Variants in COL5A2 observed in about 807,000 individuals in gnomAD.
COL5A2 encodes collagen alpha-2(V) chain.
Under a neutral mutation model 208.2 loss-of-function variants are expected in COL5A2, and 23 were observed. The observed-to-expected ratio is 0.11, with a 90% CI of 0.08 to 0.16. COL5A2 has a LOEUF of 0.16. Ranked by LOEUF, COL5A2 falls within the 10% of genes least tolerant of loss-of-function variation. The pLI is 1.00. For missense variants in COL5A2, 1,590 were observed against 1,956.4 expected, an observed-to-expected ratio of 0.81 and a Z score of 3.53; for synonymous variants, 625 against 628.5, an observed-to-expected ratio of 0.99 and a Z score of 0.08.
chr2:189,078,222 C>T (rs1340859364), intron 16 of COL5A2, among the ~76,000 whole-genome samples: 1 of 152,042 alleles, frequency 6.6e-6, no homozygotes, highest in Non-Finnish European at 1.5e-5. Context: ...TTTCTATGGA[C>T]TATATTCCAT....
intron 1 of COL5A2, among the ~76,000 whole-genome samples, chr2:189,135,741 AT>A (rs1486691595): frequency 6.6e-6 from 1 of 152,228 alleles, no homozygotes; most frequent in Non-Finnish European, 1.5e-5. Context: ...AGTAGCTATA[AT>A]AGTGGTAATA....
At chr2:189,146,320 T>C (rs1688039501) in intron 1 of COL5A2, among the ~76,000 whole-genome samples, 1 of 152,064 alleles carries the variant, frequency 6.6e-6, no homozygotes, top group Non-Finnish European at 1.5e-5. Flanking sequence ...TTAAGCAAAA[T>C]TATCTAAATA....
chr2:189,318,989 T>C, the COL5A2 span, among the ~76,000 whole-genome samples: 5 of 151,764 alleles, frequency 3.3e-5, no homozygotes, highest in Non-Finnish European at 5.9e-5. Context: ...CCAGGATATG[T>C]GGTACTGTGC....
the COL5A2 span, among the ~76,000 whole-genome samples, chr2:189,347,625 A>G: frequency 6.6e-6 from 1 of 152,142 alleles, no homozygotes; most frequent in African/African-American, 2.4e-5. Flanking sequence ...AGATAGACCA[A>G]TAGTGACATC....
the COL5A2 span, among the ~76,000 whole-genome samples, chr2:189,252,392 GA>G: frequency 6.6e-6 from 1 of 152,190 alleles, no homozygotes; most frequent in Non-Finnish European, 1.5e-5. Flanking sequence ...ACTGGATTAA[GA>G]AAATGTGGCA....
intron 52 of COL5A2, among the ~76,000 whole-genome samples, chr2:189,035,540 G>A (rs1158127549): frequency 2.0e-5 from 3 of 151,738 alleles, no homozygotes; most frequent in Non-Finnish European, 4.4e-5. Flanking sequence ...CACAATTGTA[G>A]GAAATACATA....
At chr2:189,361,713 T>C in the COL5A2 span, among the ~76,000 whole-genome samples, 1 of 152,108 alleles carries the variant, frequency 6.6e-6, no homozygotes, top group African/African-American at 2.4e-5. Flanking sequence ...GCCATATTCC[T>C]TTGTGCTTAA....
intron 14 of COL5A2, among the ~76,000 whole-genome samples, chr2:189,079,768 A>C (rs753521686): frequency 2.0e-5 from 3 of 152,200 alleles, no homozygotes; most frequent in Admixed American, 2.0e-4. Flanking sequence ...GCAGACACCC[A>C]GTGCTATGGA....
intron 1 of COL5A2, among the ~76,000 whole-genome samples, chr2:189,178,314 T>C (rs1238478228): frequency 6.6e-6 from 1 of 152,094 alleles, no homozygotes; most frequent in Non-Finnish European, 1.5e-5. Flanking sequence ...CTAGATTAAT[T>C]TTATAAACTT....
intron 29 of COL5A2, 60 bp downstream of exon 29, chr2:189,062,805 G>GA: frequency 5.0e-6 from 8 of 1,598,370 alleles, no homozygotes; most frequent in Non-Finnish European, 6.0e-6. Context: ...AAACATCATC[G>GA]AAAAAATGCA....
chr2:189,353,617 T>C, the COL5A2 span, among the ~76,000 whole-genome samples: 1 of 152,204 alleles, frequency 6.6e-6, no homozygotes, highest in Non-Finnish European at 1.5e-5. Flanking sequence ...ATAGGAATGC[T>C]TGTGATTTCT....
the COL5A2 span, among the ~76,000 whole-genome samples, chr2:189,322,555 G>T: frequency 1.3e-5 from 2 of 151,766 alleles, no homozygotes; most frequent in African/African-American, 4.8e-5. Flanking sequence ...ACACCTCTAC[G>T]CAAATAAACT....
chr2:189,242,026 C>A, the COL5A2 span, among the ~76,000 whole-genome samples: 2 of 152,152 alleles, frequency 1.3e-5, no homozygotes, highest in African/African-American at 4.8e-5. Flanking sequence ...CATGCTTGAG[C>A]CCTTTCACAC....
chr2:189,120,366 A>G (rs1687476423), intron 1 of COL5A2, among the ~76,000 whole-genome samples: 1 of 152,166 alleles, frequency 6.6e-6, no homozygotes, highest in Non-Finnish European at 1.5e-5. Flanking sequence ...GGCCTTTTGA[A>G]TTATTGGTCC....
the COL5A2 span, among the ~76,000 whole-genome samples, chr2:189,233,951 T>C: frequency 6.6e-6 from 1 of 151,758 alleles, no homozygotes; most frequent in Non-Finnish European, 1.5e-5. Context: ...GCATTTGCTC[T>C]TTCAGTCATC....
intron 16 of COL5A2, among the ~76,000 whole-genome samples, chr2:189,075,779 C>T (rs1455890277): frequency 1.3e-5 from 2 of 152,138 alleles, no homozygotes; most frequent in East Asian, 1.9e-4. Flanking sequence ...GCCAGATTAA[C>T]TCAGAGAAGC....
chr2:189,373,236 C>A, the COL5A2 span, among the ~76,000 whole-genome samples: 252 of 152,106 alleles, frequency 1.7e-3, 1 homozygote, highest in African/African-American at 5.6e-3. Context: ...TTTTATAATA[C>A]CCTTTTCAGT....
the COL5A2 span, among the ~76,000 whole-genome samples, chr2:189,438,309 G>C: frequency 2.0e-5 from 3 of 151,966 alleles, no homozygotes; most frequent in Non-Finnish European, 4.4e-5. Context: ...AAAAGAGTTT[G>C]GCAATTTCTT....
chr2:189,037,933 C>A (rs1018300240), intron 51 of COL5A2, among the ~76,000 whole-genome samples: 1 of 152,026 alleles, frequency 6.6e-6, no homozygotes, highest in Admixed American at 6.6e-5. Flanking sequence ...TTTTATTCCA[C>A]AAAAATATCA....
Sources: allele counts gnomAD v4.1 joint callset (sites outside exome capture counted in the v4.1 genomes callset), GRCh38; gene constraint gnomAD v4.1.1; transcripts MANE v1.5; gene names NCBI Gene and HGNC (gene_info 2026-07-23, HGNC 2026-07-21).